CACNA2D2: variants seen among roughly 807,000 people sequenced by gnomAD.
The protein encoded by CACNA2D2 is calcium voltage-gated channel auxiliary subunit alpha2delta 2, also known as voltage-dependent calcium channel subunit alpha-2/delta-2.
In CACNA2D2, 48 loss-of-function variants were observed where a neutral mutation model predicts 166.4. The observed-to-expected ratio is 0.29, with a 90% CI of 0.23 to 0.37. The LOEUF is 0.37. Among genes scored for constraint, CACNA2D2 ranks in the 10% least tolerant of loss-of-function variants. The probability of loss-of-function intolerance (pLI) is 1.00; values close to 1 mark genes in which losing one functional copy is unlikely to be tolerated. For synonymous variants in CACNA2D2, 561 were observed against 573.7 expected (o/e 0.98, Z 0.32); for missense variants, 1,122 against 1,433.0 (o/e 0.78, Z 3.50).
At chr3:50,450,020 C>T (rs1709026577) in intron 2 of CACNA2D2, among the ~76,000 whole-genome samples, 1 of 152,202 alleles carries the variant, frequency 6.6e-6, no homozygotes, top group Admixed American at 6.5e-5. Flanking sequence ...TCAAAGCAAA[C>T]TGCAGCCTCC....
chr3:50,416,227 C>T (rs944388073), intron 3 of CACNA2D2: 6 of 152,270 alleles, frequency 3.9e-5, no homozygotes, highest in Non-Finnish European at 7.3e-5. Context: ...CTGAAACAAA[C>T]ACAGAAACAC....
intron 2 of CACNA2D2, among the ~76,000 whole-genome samples, chr3:50,469,554 G>C (rs1319681689): frequency 6.6e-6 from 1 of 152,154 alleles, no homozygotes; most frequent in Admixed American, 6.5e-5. Context: ...ATGGGACAAA[G>C]ACACCCCACA....
intron 4 of CACNA2D2, among the ~76,000 whole-genome samples, chr3:50,389,168 G>A (rs587666241): frequency 1.3e-5 from 2 of 152,320 alleles, no homozygotes; most frequent in African/African-American, 4.8e-5. Flanking sequence ...GGGCGGGGGC[G>A]GAGGCCGGGC....
At chr3:50,490,900 G>A (rs977021554) in intron 1 of CACNA2D2, among the ~76,000 whole-genome samples, 25 of 152,204 alleles carry the variant, frequency 1.6e-4, no homozygotes, top group East Asian at 1.2e-3. Context: ...GGAGGTCAGC[G>A]AAGGTTTCAG....
intron 3 of CACNA2D2, among the ~76,000 whole-genome samples, chr3:50,431,040 C>T (rs146599499): frequency 2.7e-4 from 41 of 152,190 alleles, no homozygotes; most frequent in Non-Finnish European, 4.6e-4. Context: ...AATGAACTTC[C>T]GTCCTGTGTT....
In CACNA2D2 at chr3:50,378,060, G is replaced by A; in HGVS notation, c.1427C>T (p.Ala476Val). Residue 476 changes from alanine (A) to valine (V), a missense_variant, in exon 15 of 38, where the codon GCA becomes GTA. Physicochemically the swap from Ala to Val is moderately conservative, Grantham distance 64. This residue lies in a region of CACNA2D2 where 840 missense variants were observed against 1,166.8 expected (regional missense o/e 0.72). Coordinates refer to ENST00000424201, the MANE Select transcript of CACNA2D2 (RefSeq NM_006030.4). ...CTGCACCTGCTTGGCCTCCTTGCCT[G>A]CCAGCACCATGGGCCTGCCCAACAC... The part of the protein sequence containing the change: ...LDVLGRPMVL[A>V]GKEAKQVQWT... The A allele has an allele frequency of 6.2e-7, 1 of 1,613,692 alleles. No individual in the cohort carries two copies. Among genetic ancestry groups the A allele is most frequent in the South Asian group, 1.1e-5 (1 of 91,092 alleles).
In CACNA2D2 at chr3:50,365,220, G is replaced by GGGC; in HGVS notation, c.3099-37_3099-36insGCC. The GGGC allele has an allele frequency of 6.3e-7, 1 of 1,575,444 alleles. No individual in the cohort carries two copies. Among genetic ancestry groups the GGGC allele is most frequent in the Non-Finnish European group, 8.7e-7 (1 of 1,150,786 alleles). On this transcript the variant is annotated intron_variant, in intron 35 of 37. Transcript: ENST00000424201. The surrounding 1 kb of genome is among the most constrained non-coding windows in gnomAD (Gnocchi z 4.5). The stretch of plus-strand genomic sequence containing the variant: ...CCCGGAAAGGCGGGGCGTTGAGTTT[G>GGGC]CCCCGCCCTGACCCACCCCCATCCT...
At chr3:50,431,980 CAAAAAA>C (rs57712165) in intron 3 of CACNA2D2, among the ~76,000 whole-genome samples, 6 of 92,242 alleles carry the variant, frequency 6.5e-5, no homozygotes, top group African/African-American at 2.2e-4. Flanking sequence ...GTGTCTGTCT[CAAAAAA>C]AAAAAAAAAA....
chr3:50,402,045 G>C (rs1335044335), intron 3 of CACNA2D2, among the ~76,000 whole-genome samples: 1 of 152,222 alleles, frequency 6.6e-6, no homozygotes, highest in Non-Finnish European at 1.5e-5. Context: ...GAGGAGGAAG[G>C]CCATGAGCTC....
chr3:50,417,853 T>C (rs961330839), intron 3 of CACNA2D2, among the ~76,000 whole-genome samples: 1 of 152,182 alleles, frequency 6.6e-6, no homozygotes, highest in African/African-American at 2.4e-5. Context: ...CCTGTCGCTG[T>C]GCAGTCCCCA....
chr3:50,446,279 T>A (rs1708843800), intron 2 of CACNA2D2, among the ~76,000 whole-genome samples: 1 of 152,236 alleles, frequency 6.6e-6, no homozygotes, highest in African/African-American at 2.4e-5. Flanking sequence ...AAAGTGAGCC[T>A]CCACACCGGC....
intron 2 of CACNA2D2, among the ~76,000 whole-genome samples, chr3:50,436,988 G>T (rs1247541596): frequency 6.6e-6 from 1 of 152,212 alleles, no homozygotes; most frequent in Non-Finnish European, 1.5e-5. Flanking sequence ...CACAGCCATG[G>T]CCAGCTTCCT....
intron 1 of CACNA2D2, among the ~76,000 whole-genome samples, chr3:50,495,145 G>A (rs1466493019): frequency 6.6e-6 from 1 of 152,202 alleles, no homozygotes; most frequent in Admixed American, 6.5e-5. Context: ...CCCCCATCTT[G>A]GGCCTCAGTT....
At position 50,367,580 on chromosome 3, in the gene CACNA2D2, G is replaced by A; in HGVS notation, c.2297+62C>T. On this transcript the variant is annotated intron_variant, in intron 26 of 37. Coordinates refer to ENST00000424201, the MANE Select transcript of CACNA2D2 (RefSeq NM_006030.4). The surrounding 1 kb of genome is among the most constrained non-coding windows in gnomAD (Gnocchi z 6.5). ...CTCCACAGATGCAAGGAGGCCTCTG[G>A]GCAGAACAGATGCAGGTTCCCTGGC... 1 of 1,602,434 alleles carries A rather than the reference G, an allele frequency of 6.2e-7. No individual in the cohort carries two copies. Among genetic ancestry groups the A allele is most frequent in the Non-Finnish European group, 8.5e-7 (1 of 1,171,870 alleles).
chr3:50,441,320 T>G (rs1708590090), intron 2 of CACNA2D2, among the ~76,000 whole-genome samples: 1 of 152,190 alleles, frequency 6.6e-6, no homozygotes, highest in South Asian at 2.1e-4. Flanking sequence ...TAAAGTTTAG[T>G]TGACTGTCAT....
At position 50,384,356 on chromosome 3, in the gene CACNA2D2, C is replaced by T. The variant is rs774767652; in HGVS notation, c.511-19G>A. The T allele has an allele frequency of 5.0e-6, 8 of 1,612,016 alleles. No homozygotes were observed. Among genetic ancestry groups the T allele is most frequent in the Admixed American group, 1.7e-5 (1 of 59,882 alleles). Reference sequence around the variant, plus strand: ...GGTCGTCCTGCAGAAAGGGCACCCCCGAGCAATGTCAGGGCTGGAAAATGG... The same window carrying T: ...GGTCGTCCTGCAGAAAGGGCACCCCTGAGCAATGTCAGGGCTGGAAAATGG... On this transcript the variant is annotated intron_variant, in intron 5 of 37. Transcript: ENST00000424201.
rs1018515118 is a variant in CACNA2D2 at position 50,427,211 on chromosome 3, C to T, written c.405+7102G>A. Among the ~76,000 whole-genome samples, 2 of 152,222 alleles carry T rather than the reference C, an allele frequency of 1.3e-5. No homozygotes were observed. The highest frequency in any genetic ancestry group is 1.3e-4 in the Admixed American group (2 of 15,292). ...CCGCATGCTCCCTGGTTTCTCCTAG[C>T]GTTCACCACCAAGTCCCTTCCTTAT... On this transcript the variant is annotated intron_variant, in intron 3 of 37. Transcript: ENST00000424201. This position sits in a 1 kb window ranked among gnomAD's most constrained non-coding sequence, Gnocchi z 4.7.
rs770447007 is a variant in CACNA2D2, at chr3:50,366,899, G to A, written c.2521C>T (p.Leu841=). 6.2e-7 allele frequency: 1 copy of A among 1,613,704 alleles called. No homozygotes were observed. The highest frequency in any genetic ancestry group is 1.1e-5 in the South Asian group (1 of 91,078). Residue 841 remains leucine, a synonymous_variant, in exon 29 of 38, where the codon CTA becomes TTA. Coordinates refer to ENST00000424201, the MANE Select transcript of CACNA2D2 (RefSeq NM_006030.4). This position sits in a 1 kb window ranked among gnomAD's most constrained non-coding sequence, Gnocchi z 5.9. The stretch of plus-strand genomic sequence containing the variant: ...TTGAACTTCTCAGCCCAAGCCTCTA[G>A]GTCCAGCTTGACGCCCACCACTTTG... ...RPAVVGVKLD[L]EAWAEKFKVL... is the part of the protein sequence containing the mutation.
rs1399000736 is a variant in CACNA2D2, at chr3:50,375,901, AG to A, written c.1774-22del. On this transcript the variant is annotated intron_variant, in intron 19 of 37. Transcript: ENST00000424201. The surrounding 1 kb of genome is among the most constrained non-coding windows in gnomAD (Gnocchi z 4.0). ...CGGATCTGGAAGGGCCAGAGATGTG[AG>A]GGGCAGGGCCCCTACACTCCTCTGC... 2 of 1,612,600 alleles carry A rather than the reference AG, an allele frequency of 1.2e-6. No homozygotes were observed. Among genetic ancestry groups the A allele is most frequent in the East Asian group, 4.5e-5 (2 of 44,854 alleles).
Sources: allele counts gnomAD v4.1 joint callset (sites outside exome capture counted in the v4.1 genomes callset), GRCh38; gene constraint gnomAD v4.1.1; regional missense constraint gnomAD v4.1.1; non-coding constraint Gnocchi (gnomAD v3.1); transcripts MANE v1.5; gene names NCBI Gene and HGNC (gene_info 2026-07-23, HGNC 2026-07-21).